The following AGRP variants were observed in gnomAD, a reference collection of about 807,000 sequenced individuals.
The protein encoded by AGRP is agouti related neuropeptide.
AGRP carries 8 observed loss-of-function variants against 13.6 expected under a neutral mutation model. The ratio of observed to expected loss-of-function variants is 0.59; its 90% confidence interval spans 0.35 to 1.06. The LOEUF (loss-of-function observed/expected upper bound fraction) is 1.06, where lower values mean the gene tolerates loss of function less well. AGRP is among the 50% of genes least tolerant of loss of function. The pLI, the probability that AGRP is intolerant of heterozygous loss-of-function variation, is 0.02. For missense variants in AGRP, 155 were observed against 174.8 expected (o/e 0.89, Z 0.64); for synonymous variants, 63 against 72.4 (o/e 0.87, Z 0.66).
intron 1 of AGRP, 32 bp from the exon 2 acceptor site, chr16:67,483,433 C>T (rs1439206490): frequency 2.3e-5 from 34 of 1,481,430 alleles, no homozygotes; most frequent in Non-Finnish European, 3.0e-5. Context: ...CCACTTAGTC[C>T]CTCCTTATCC....
At chr16:67,482,924 AGT>A in intron 3 of AGRP, 99 bp downstream of exon 3, 1 of 1,565,138 alleles carries the variant, frequency 6.4e-7, no homozygotes, top group Admixed American at 1.7e-5. Flanking sequence ...GGTGGTCGGT[AGT>A]GTCGTCGCTG....
rs1332476421 is a variant in AGRP, at chr16:67,483,316, A to G, written c.83T>C (p.Met28Thr). 17 of 1,583,618 alleles carry G rather than the reference A, an allele frequency of 1.1e-5. No individual in the cohort carries two copies. Among genetic ancestry groups the G allele is most frequent in the Non-Finnish European group, 1.5e-5 (17 of 1,165,946 alleles). Residue 28 changes from methionine (M) to threonine (T), a missense_variant, in exon 2 of 4, where the codon ATG becomes ACG. Coordinates refer to ENST00000290953, the MANE Select transcript of AGRP (RefSeq NM_001138.2). ...CTGGTCAGGCCTTCTGATGCCCTCC[A>G]TGGGGGCCAAGCCCATCTGGGCTCC... The part of the protein sequence containing the change: ...TRGAQMGLAP[M>T]EGIRRPDQAL...
chr16:67,482,997 C>G, intron 3 of AGRP, 28 bp downstream of exon 3: 1 of 1,610,622 alleles, frequency 6.2e-7, no homozygotes, highest in Non-Finnish European at 8.5e-7. Context: ...CAAGGGCCAC[C>G]ACCTTACCCT....
At chr16:67,483,202 CA>C in intron 2 of AGRP, 66 bp downstream of exon 2, 1 of 1,603,226 alleles carries the variant, frequency 6.2e-7, no homozygotes, top group Admixed American at 1.7e-5. Context: ...GGGTTTATGC[CA>C]GGGGAGACTA....
In AGRP at chr16:67,482,643, C is replaced by T. The variant is rs1341815023; in HGVS notation, c.392G>A (p.Arg131His). 30 of 1,614,074 alleles carry T rather than the reference C, an allele frequency of 1.9e-5. No homozygotes were observed. The highest frequency in any genetic ancestry group is 6.7e-5 in the East Asian group (3 of 44,898). ...KLGTAMNPCS[R>H]T ...GACCCTGACGTTGGCCAGCTAGGTG[C>T]GGCTGCAGGGATTCATGGCAGTACC... Residue 131 changes from arginine (R) to histidine (H), a missense_variant, in exon 4 of 4, where the codon CGC becomes CAC. By Grantham distance (29) the Arg-to-His change is conservative (BLOSUM62 0). Coordinates refer to ENST00000290953, the MANE Select transcript of AGRP (RefSeq NM_001138.2).
intron 2 of AGRP, 28 bp downstream of exon 2, chr16:67,483,241 G>A (rs769050400): frequency 1.4e-5 from 11 of 768,522 alleles, no homozygotes; most frequent in African/African-American, 1.0e-4. Flanking sequence ...TTCAGGCCCC[G>A]CCCAGTCCCA....
intron 2 of AGRP, 58 bp downstream of exon 2, chr16:67,483,211 C>CT: frequency 6.3e-7 from 1 of 1,597,342 alleles, no homozygotes; most frequent in Non-Finnish European, 8.5e-7. Flanking sequence ...CCAGGGGAGA[C>CT]TATTTGTGGC....
At chr16:67,483,162 C>A (rs532344396) in intron 2 of AGRP, 52 bp from the exon 3 acceptor site, 1 of 1,612,112 alleles carries the variant, frequency 6.2e-7, no homozygotes, top group African/African-American at 1.3e-5. Flanking sequence ...GCACCCACCT[C>A]CCAGGGGAGG....
rs34730014 is a variant in AGRP, at chr16:67,482,702, G to A, written c.333C>T (p.Arg111=). The A allele has an allele frequency of 3.2e-5, 52 of 1,614,208 alleles. No individual in the cohort carries two copies. The African/African-American group carries it at 6.4e-4, about 20-fold the overall frequency. ...CCDPCATCYC[R]FFNAFCYCRK... ...GGCAGTAGCAGAAGGCATTGAAGAAGCGGCAGTAGCACGTGGCACATGGGT... is the reference window on the plus strand; with the variant it reads ...GGCAGTAGCAGAAGGCATTGAAGAAACGGCAGTAGCACGTGGCACATGGGT... The change falls in exon 4 of 4, where the codon CGC becomes CGT. Residue 111 remains arginine (R), a synonymous_variant. Transcript: ENST00000290953.
In AGRP at chr16:67,482,829, G is replaced by A. The variant is rs370825180; in HGVS notation, c.217-11C>T. 31 of 1,613,700 alleles carry A rather than the reference G, an allele frequency of 1.9e-5. No individual in the cohort carries two copies. Among genetic ancestry groups the A allele is most frequent in the Non-Finnish European group, 2.5e-5 (29 of 1,179,884 alleles). The stretch of plus-strand genomic sequence containing the variant: ...CTGCAGGTCTAGTACCTGCAGGGGT[G>A]GGGAACCAGCACAGGCCTCTAAAGA... On this transcript the variant is annotated splice_polypyrimidine_tract_variant and intron_variant, in intron 3 of 3. Coordinates refer to ENST00000290953, the MANE Select transcript of AGRP (RefSeq NM_001138.2).
intron 3 of AGRP, 65 bp downstream of exon 3, chr16:67,482,960 G>A: frequency 6.3e-7 from 1 of 1,575,552 alleles, no homozygotes; most frequent in East Asian, 2.2e-5. Context: ...GAGCTGGGGA[G>A]AGGAGCTAAT....
Position 67,483,345 on chromosome 16 carries a change from C to T in AGRP, c.54G>A (p.Thr18=), listed in dbSNP as rs780591123. The change falls in exon 2 of 4, where the codon ACG becomes ACA. Residue 18 remains threonine, a synonymous_variant. Transcript: ENST00000290953. ...SCALLLALPA[T]RGAQMGLAPM... ...GGGCCAAGCCCATCTGGGCTCCTCGCGTGGCAGGCAGTGCCAGCAGCAGGG... is the reference window on the plus strand; with the variant it reads ...GGGCCAAGCCCATCTGGGCTCCTCGTGTGGCAGGCAGTGCCAGCAGCAGGG... 1.6e-5 allele frequency: 25 copies of T among 1,555,446 alleles called. No individual in the cohort carries two copies. Among genetic ancestry groups the T allele is most frequent in the South Asian group, 3.7e-5 (3 of 81,408 alleles).
In AGRP at chr16:67,482,684, G is replaced by C. The variant is rs767874407; in HGVS notation, c.351C>G (p.Cys117Trp). Residue 117 changes from cysteine (C) to tryptophan (W), a missense_variant, in exon 4 of 4, where the codon TGC becomes TGG. Cys to Trp is a radical substitution (Grantham distance 215, BLOSUM62 -2). Coordinates refer to ENST00000290953, the MANE Select transcript of AGRP (RefSeq NM_001138.2). ...TCYCRFFNAF[C>W]YCRKLGTAMN... ...TGGCAGTACCCAGCTTGCGGCAGTA[G>C]CAGAAGGCATTGAAGAAGCGGCAGT... is the stretch of plus-strand genomic sequence containing the variant. The C allele has an allele frequency of 3.1e-6, 5 of 1,614,196 alleles. No homozygotes were observed. Among genetic ancestry groups the C allele is most frequent in the Non-Finnish European group, 4.2e-6 (5 of 1,180,030 alleles).
rs2041528221 is a variant in AGRP at position 67,483,298 on chromosome 16, G to A, written c.101C>T (p.Pro34Leu). The change falls in exon 2 of 4, where the codon CCT becomes CTT. Residue 34 changes from proline (P) to leucine (L), a missense_variant. Coordinates refer to ENST00000290953, the MANE Select transcript of AGRP (RefSeq NM_001138.2). ...GAGCTCTGGGAGCAGGGCCTGGTCAGGCCTTCTGATGCCCTCCATGGGGGC... is the reference window on the plus strand; with the variant it reads ...GAGCTCTGGGAGCAGGGCCTGGTCAAGCCTTCTGATGCCCTCCATGGGGGC... ...GLAPMEGIRR[P>L]DQALLPELPG... The A allele has an allele frequency of 6.3e-7, 1 of 1,588,486 alleles. No homozygotes were observed. Among genetic ancestry groups the A allele is most frequent in the Non-Finnish European group, 8.6e-7 (1 of 1,168,510 alleles).
At position 67,483,109 on chromosome 16, in the gene AGRP, G is replaced by A. The variant is rs773182762; in HGVS notation, c.132C>T (p.Gly44=). ...PDQALLPELP[G]LGLRAPLKKT... ...TCTTCAGTGGGGCCCGCAGGCCCAGGCCTGGGGCAGAGGATGTGAGGGCAG... is the reference window on the plus strand; with the variant it reads ...TCTTCAGTGGGGCCCGCAGGCCCAGACCTGGGGCAGAGGATGTGAGGGCAG... The change falls in exon 3 of 4, where the codon GGC becomes GGT. Residue 44 remains glycine (G), a splice_region_variant and synonymous_variant. Coordinates refer to ENST00000290953, the MANE Select transcript of AGRP (RefSeq NM_001138.2). 2 of 1,613,990 alleles carry A rather than the reference G, an allele frequency of 1.2e-6. No individual in the cohort carries two copies. Among genetic ancestry groups the A allele is most frequent in the South Asian group, 1.1e-5 (1 of 91,086 alleles).
In AGRP at chr16:67,483,276, C is replaced by A. The variant is rs34123523; in HGVS notation, c.123G>T (p.Glu41Asp). The change falls in exon 2 of 4, where the codon GAG becomes GAT. Residue 41 changes from glutamate (E) to aspartate (D), a missense_variant. Glu to Asp is a conservative substitution (Grantham distance 45, BLOSUM62 2). Transcript: ENST00000290953. Reference protein sequence around the residue: ...IRRPDQALLPELPGLGLRAPL... With the variant: ...IRRPDQALLPDLPGLGLRAPL... Reference sequence around the variant, plus strand: ...ACCCTTGCTCACACTGACCTGGGAGCTCTGGGAGCAGGGCCTGGTCAGGCC... The same window carrying A: ...ACCCTTGCTCACACTGACCTGGGAGATCTGGGAGCAGGGCCTGGTCAGGCC... 1 of 1,585,930 alleles carries A rather than the reference C, an allele frequency of 6.3e-7. No individual in the cohort carries two copies. Among genetic ancestry groups the A allele is most frequent in the African/African-American group, 1.3e-5 (1 of 74,196 alleles).
chr16:67,483,241 G>T (rs769050400), intron 2 of AGRP, 28 bp downstream of exon 2: 5 of 768,576 alleles, frequency 6.5e-6, no homozygotes, highest in African/African-American at 5.1e-5. Context: ...TTCAGGCCCC[G>T]CCCAGTCCCA....
At position 67,483,039 on chromosome 16, in the gene AGRP, G is replaced by T; in HGVS notation, c.202C>A (p.Gln68Lys). 2 of 1,614,216 alleles carry T rather than the reference G, an allele frequency of 1.2e-6. No individual in the cohort carries two copies. Among genetic ancestry groups the T allele is most frequent in the Non-Finnish European group, 1.7e-6 (2 of 1,180,016 alleles). ...QAEEDLLQEA[Q>K]ALAEVLDLQD... ...TGAGCAGTTACCTCTGCCAAGGCCT[G>T]AGCCTCCTGCAACAGATCCTCTTCT... The change falls in exon 3 of 4, where the codon CAG (glutamine) becomes AAG (lysine). Residue 68 changes from glutamine to lysine, a missense_variant. Coordinates refer to ENST00000290953, the MANE Select transcript of AGRP (RefSeq NM_001138.2).
At position 67,482,823 on chromosome 16, in the gene AGRP, A is replaced by G; in HGVS notation, c.217-5T>C. ...GCGGTCCTGCAGGTCTAGTACCTGC[A>G]GGGGTGGGGAACCAGCACAGGCCTC... On this transcript the variant is annotated splice_region_variant and splice_polypyrimidine_tract_variant and intron_variant, in intron 3 of 3. Coordinates refer to ENST00000290953, the MANE Select transcript of AGRP (RefSeq NM_001138.2). The G allele has an allele frequency of 6.2e-7, 1 of 1,613,932 alleles. No homozygotes were observed. The highest frequency in any genetic ancestry group is 8.5e-7 in the Non-Finnish European group (1 of 1,179,918).
Sources: allele counts gnomAD v4.1 joint callset, GRCh38; gene constraint gnomAD v4.1.1; transcripts MANE v1.5; gene names NCBI Gene and HGNC (gene_info 2026-07-23, HGNC 2026-07-21).